Variants in SLC24A4 observed in about 807,000 individuals in gnomAD.
The protein encoded by SLC24A4 is sodium/potassium/calcium exchanger 4.
SLC24A4 carries 53 observed loss-of-function variants against 79.0 expected under a neutral mutation model. The ratio of observed to expected loss-of-function variants is 0.67; its 90% confidence interval spans 0.54 to 0.84. The LOEUF (loss-of-function observed/expected upper bound fraction) is 0.84. Among genes scored for constraint, SLC24A4 ranks in the 40% least tolerant of loss-of-function variants. SLC24A4 has a pLI of 0.00. For missense variants in SLC24A4, 731 were observed against 822.0 expected, an observed-to-expected ratio of 0.89 and a Z score of 1.35; for synonymous variants, 323 against 323.8, an observed-to-expected ratio of 1.00 and a Z score of 0.03.
chr14:92,454,150 A>G, intron 11 of SLC24A4, 81 bp downstream of exon 11: 1 of 1,430,572 alleles, frequency 7.0e-7, no homozygotes. Context: ...TCCTGGTGCC[A>G]TTGATCACTG....
intron 12 of SLC24A4, among the ~76,000 whole-genome samples, chr14:92,470,693 G>C (rs1051933612): frequency 6.6e-6 from 1 of 152,212 alleles, no homozygotes; most frequent in African/African-American, 2.4e-5. Context: ...CGAGATGGAA[G>C]TGGGGGGCCA....
intron 2 of SLC24A4, among the ~76,000 whole-genome samples, chr14:92,400,305 G>A (rs981133954): frequency 2.0e-5 from 3 of 152,068 alleles, no homozygotes; most frequent in Non-Finnish European, 2.9e-5. Flanking sequence ...TGGGCATGGT[G>A]GCATGCGCCT....
intron 2 of SLC24A4, among the ~76,000 whole-genome samples, chr14:92,370,307 T>C (rs1888081816): frequency 6.6e-6 from 1 of 152,242 alleles, no homozygotes; most frequent in East Asian, 1.9e-4. Flanking sequence ...ACACATGAAC[T>C]GTGTGACTTT....
At chr14:92,383,854 C>T (rs1888992421) in intron 2 of SLC24A4, among the ~76,000 whole-genome samples, 1 of 152,186 alleles carries the variant, frequency 6.6e-6, no homozygotes, top group Admixed American at 6.5e-5. Context: ...TCTTATCCAC[C>T]CCCAGGACCC....
chr14:92,445,194 G>A, intron 7 of SLC24A4, 123 bp from the exon 8 acceptor site: 1 of 1,042,902 alleles, frequency 9.6e-7, no homozygotes, highest in Non-Finnish European at 1.5e-6. Context: ...CTCAGAAATG[G>A]ACCCATAACA....
intron 2 of SLC24A4, among the ~76,000 whole-genome samples, chr14:92,399,975 G>A (rs182323819): frequency 2.6e-5 from 4 of 152,094 alleles, no homozygotes; most frequent in South Asian, 2.1e-4. Context: ...CAGCAGCCTC[G>A]ACTTTCTGGA....
chr14:92,483,881 C>T, intron 13 of SLC24A4: 1 of 1,288,596 alleles, frequency 7.8e-7, no homozygotes, highest in Non-Finnish European at 1.0e-6. Context: ...GCGATCTTGA[C>T]ATGAGAGACA....
intron 10 of SLC24A4, chr14:92,452,144 G>A (rs1425179540): frequency 1.3e-5 from 2 of 152,242 alleles, no homozygotes; most frequent in Admixed American, 6.5e-5. Flanking sequence ...AAGGAAGTGG[G>A]GGTGCAGGCC....
At chr14:92,485,845 C>G (rs1895324110) in intron 13 of SLC24A4, among the ~76,000 whole-genome samples, 2 of 152,174 alleles carry the variant, frequency 1.3e-5, no homozygotes, top group Non-Finnish European at 2.9e-5. Context: ...AAACCCCACC[C>G]TTGTTTCTTA....
At chr14:92,409,093 C>T (rs1055995114) in intron 2 of SLC24A4, among the ~76,000 whole-genome samples, 8 of 152,108 alleles carry the variant, frequency 5.3e-5, no homozygotes, top group East Asian at 1.9e-4. Context: ...TGGGTCAGGA[C>T]GGCCTGTGGA....
In SLC24A4 at chr14:92,443,443, A is replaced by G. The variant is rs1892618108; in HGVS notation, c.626A>G (p.Tyr209Cys). The G allele has an allele frequency of 6.2e-7, 1 of 1,614,146 alleles. No individual in the cohort carries two copies. The highest frequency in any genetic ancestry group is 2.2e-5 in the East Asian group (1 of 44,866). ...TWWAVCRDSV[Y>C]YTISVIVLIV... ...TGGGCCGTGTGCCGAGACTCCGTGTACTACACCATCTCTGTCATCGTGCTC... is the reference window on the plus strand; with the variant it reads ...TGGGCCGTGTGCCGAGACTCCGTGTGCTACACCATCTCTGTCATCGTGCTC... The change falls in exon 7 of 17, where the codon TAC (tyrosine) becomes TGC (cysteine). Residue 209 changes from tyrosine to cysteine, a missense_variant. Transcript: ENST00000532405.
At chr14:92,330,989 T>G (rs1443347133) in intron 2 of SLC24A4, among the ~76,000 whole-genome samples, 1 of 152,228 alleles carries the variant, frequency 6.6e-6, no homozygotes, top group Middle Eastern at 3.2e-3. Context: ...AACCTGGTGC[T>G]TCTCAACCTT....
intron 2 of SLC24A4, among the ~76,000 whole-genome samples, chr14:92,432,603 TGAACCGACA>T (rs1346826793): frequency 6.6e-6 from 1 of 152,182 alleles, no homozygotes; most frequent in Non-Finnish European, 1.5e-5. Context: ...TCCATGCCCT[TGAACCGACA>T]GCAGCAACTC....
chr14:92,484,897 G>T (rs1895270247), intron 13 of SLC24A4: 1 of 985,084 alleles, frequency 1.0e-6, no homozygotes, highest in South Asian at 4.7e-5. Context: ...ACACAGTTTG[G>T]CCACTGAGTA....
intron 2 of SLC24A4, among the ~76,000 whole-genome samples, chr14:92,418,806 A>G (rs1252985955): frequency 6.6e-6 from 1 of 152,068 alleles, no homozygotes; most frequent in Admixed American, 6.5e-5. Context: ...GGTTCAAGTG[A>G]TTCTCATGCA....
chr14:92,373,147 C>T lies in SLC24A4; in HGVS notation c.241+47169C>T, dbSNP rs1477707813. Reference sequence around the variant, plus strand: ...CCAGAGTAGCTGGGATTACAGGTGCCCACCACCATGCCCAGCTAATTTATA... The same window carrying T: ...CCAGAGTAGCTGGGATTACAGGTGCTCACCACCATGCCCAGCTAATTTATA... On this transcript the variant is annotated intron_variant, in intron 2 of 16. Transcript: ENST00000532405. Among the ~76,000 whole-genome samples the T allele has an allele frequency of 2.0e-5, 3 of 150,328 alleles. No homozygotes were observed. In the East Asian group the frequency reaches 5.9e-4, roughly 30 times the overall value.
At chr14:92,327,703 A>G (rs1401511999) in intron 2 of SLC24A4, among the ~76,000 whole-genome samples, 1 of 152,098 alleles carries the variant, frequency 6.6e-6, no homozygotes, top group Admixed American at 6.6e-5. Context: ...TCCCTTTCTT[A>G]TGATAGAGTT....
chr14:92,424,752 C>T (rs778348063), intron 2 of SLC24A4, among the ~76,000 whole-genome samples: 9 of 151,832 alleles, frequency 5.9e-5, no homozygotes, highest in Non-Finnish European at 1.3e-4. Context: ...TATGGTGGCA[C>T]ATGCTTGTAG....
intron 12 of SLC24A4, among the ~76,000 whole-genome samples, chr14:92,478,768 T>C (rs1894907056): frequency 6.6e-6 from 1 of 152,168 alleles, no homozygotes; most frequent in African/African-American, 2.4e-5. Context: ...AGGGATTGCA[T>C]TGAATGTATA....
Sources: allele counts gnomAD v4.1 joint callset (sites outside exome capture counted in the v4.1 genomes callset), GRCh38; gene constraint gnomAD v4.1.1; transcripts MANE v1.5; gene names NCBI Gene and HGNC (gene_info 2026-07-23, HGNC 2026-07-21).